TTC3: variants seen among roughly 807,000 people sequenced by gnomAD.
TTC3 encodes the protein E3 ubiquitin-protein ligase TTC3.
TTC3 carries 180 observed loss-of-function variants against 249.6 expected under a neutral mutation model. The observed-to-expected ratio is 0.72, with a 90% CI of 0.64 to 0.82. The LOEUF is 0.82. TTC3 is among the 40% of genes least tolerant of loss of function. TTC3 has a pLI of 0.00. For synonymous variants in TTC3, 717 were observed against 805.0 expected (o/e 0.89, Z 1.85); for missense variants, 2,061 against 2,398.4 (o/e 0.86, Z 2.94).
At position 37,123,101 on chromosome 21, in the gene TTC3, G is replaced by A; in HGVS notation, c.1109+73G>A. On this transcript the variant is annotated intron_variant, in intron 13 of 45. Coordinates refer to ENST00000355666, the Ensembl canonical transcript of TTC3. ...CTGCATGAATTTAAGAATCACTTAT[G>A]TTTGACGCTTTAGGAGCTAATAGCA... is the stretch of plus-strand genomic sequence containing the variant. The A allele has an allele frequency of 2.0e-6, 3 of 1,519,192 alleles. 1 individual carries two copies. Among genetic ancestry groups the A allele is most frequent in the Middle Eastern group, 3.5e-4 (2 of 5,676 alleles). The allele number at this position is 1,519,192 out of a possible 1,614,324, so 94.1% of individuals were successfully genotyped here.
intron 35 of TTC3, among the ~76,000 whole-genome samples, chr21:37,181,401 G>A (rs2082747353): frequency 6.6e-6 from 1 of 152,214 alleles, no homozygotes; most frequent in Admixed American, 6.5e-5. Context: ...GATTGGCTTG[G>A]CTGCCAGCAG....
intron 39 of TTC3, among the ~76,000 whole-genome samples, chr21:37,190,785 A>C (rs1194225151): frequency 6.6e-6 from 1 of 152,236 alleles, no homozygotes; most frequent in Non-Finnish European, 1.5e-5. Context: ...ATGAGGTCTT[A>C]CTATACCCAC....
intron 11 of TTC3, among the ~76,000 whole-genome samples, chr21:37,112,993 G>A (rs1375253302): frequency 2.6e-5 from 4 of 152,114 alleles, no homozygotes; most frequent in Middle Eastern, 3.4e-3. Context: ...ATTCAACAAC[G>A]CTTCATGCTA....
chr21:37,183,534 G>GT (rs2082944300), intron 36 of TTC3, among the ~76,000 whole-genome samples: 1 of 152,226 alleles, frequency 6.6e-6, no homozygotes, highest in East Asian at 1.9e-4. Context: ...AGCAGCCATT[G>GT]TATTTGCTCA....
intron 29 of TTC3, among the ~76,000 whole-genome samples, 191 bp downstream of exon 29, chr21:37,159,936 T>C (rs1009037791): frequency 6.6e-6 from 1 of 152,212 alleles, no homozygotes; most frequent in African/African-American, 2.4e-5. Flanking sequence ...ATTGGAGCAA[T>C]AATCAGCAAA....
intron 24 of TTC3, 122 bp from the exon 25 acceptor site, chr21:37,150,698 C>A: frequency 1.4e-6 from 1 of 702,886 alleles, no homozygotes; most frequent in Non-Finnish European, 2.5e-6. Context: ...GTCAGAACAT[C>A]ATCACTGTTC....
At chr21:37,124,179 G>T (rs565857413) in intron 13 of TTC3, among the ~76,000 whole-genome samples, 8 of 130,338 alleles carry the variant, frequency 6.1e-5, no homozygotes, top group Non-Finnish European at 1.2e-4. Context: ...GCAGTGGCAC[G>T]ATCTTGGGTC....
chr21:37,152,455 C>T lies in TTC3; in HGVS notation c.2413+426C>T, dbSNP rs554209842. Among the ~76,000 whole-genome samples the T allele has an allele frequency of 1.1e-3, 165 of 148,982 alleles. 1 individual carries two copies. Among genetic ancestry groups the T allele is most frequent in the African/African-American group, 3.6e-3 (146 of 40,482 alleles). ...AGGCTGGAGTGCAGTGGCGCGATCT[C>T]GGCTCACTGCAAGCTCCGCCTCCCG... On this transcript the variant is annotated intron_variant, in intron 26 of 45. Coordinates refer to ENST00000355666, the Ensembl canonical transcript of TTC3.
At position 37,197,561 on chromosome 21, in the gene TTC3, C is replaced by T. The variant is rs1240939652; in HGVS notation, c.5580-9C>T. 10 of 1,611,668 alleles carry T rather than the reference C, an allele frequency of 6.2e-6. No individual in the cohort carries two copies. Among genetic ancestry groups the T allele is most frequent in the Non-Finnish European group, 8.5e-6 (10 of 1,179,864 alleles). On this transcript the variant is annotated splice_polypyrimidine_tract_variant and intron_variant, in intron 42 of 45. Transcript: ENST00000355666. ...TCTGTTGTCATTCATCACTCACTCTCCCTTTCAGCACTGAGCTTGCTGGTT... is the reference window on the plus strand; with the variant it reads ...TCTGTTGTCATTCATCACTCACTCTTCCTTTCAGCACTGAGCTTGCTGGTT...
Position 37,194,964 on chromosome 21 carries a change from AG to A in TTC3, c.5218-709del, listed in dbSNP as rs1375126458. 2.0e-5 allele frequency: 3 copies of A among 152,340 alleles called. No homozygotes were observed. In the East Asian group the frequency reaches 5.8e-4, roughly 29 times the overall value. 9.4% of individuals were successfully genotyped at this position (152,340 alleles called of 1,614,324 possible). On this transcript the variant is annotated intron_variant, in intron 41 of 45. Coordinates refer to ENST00000355666, the Ensembl canonical transcript of TTC3. ...GAGAGGTGATTGGGGGTACATTTAC[AG>A]GTGCCATGCTGCTCAGGAGACCAGG...
chr21:37,080,092 C>T (rs189511249), intron 1 of TTC3, among the ~76,000 whole-genome samples: 5 of 151,972 alleles, frequency 3.3e-5, no homozygotes, highest in Admixed American at 2.0e-4. Context: ...ACTTAAATTA[C>T]ACACTTAATA....
At chr21:37,199,391 G>A (rs1217436006) in intron 44 of TTC3, among the ~76,000 whole-genome samples, 1 of 152,242 alleles carries the variant, frequency 6.6e-6, no homozygotes, top group Non-Finnish European at 1.5e-5. Flanking sequence ...GGTGCAGTAA[G>A]GGTAAGTGCT....
chr21:37,147,606 A>G lies in TTC3; in HGVS notation c.2016+3A>G, dbSNP rs746375954. 9.4e-6 allele frequency: 15 copies of G among 1,598,686 alleles called. No homozygotes were observed. The African/African-American group carries it at 1.9e-4, about 20-fold the overall frequency. Reference sequence around the variant, plus strand: ...ACATAACTGATCCAGACTTTAAGGTAAATAATGAGTGTACAGTGGGACATT... The same window carrying G: ...ACATAACTGATCCAGACTTTAAGGTGAATAATGAGTGTACAGTGGGACATT... On this transcript the variant is annotated splice_donor_region_variant and intron_variant, in intron 22 of 45. Coordinates refer to ENST00000355666, the Ensembl canonical transcript of TTC3.
intron 21 of TTC3, among the ~76,000 whole-genome samples, chr21:37,146,748 A>G (rs139231703): frequency 1.3e-5 from 2 of 152,320 alleles, no homozygotes; most frequent in Admixed American, 1.3e-4. Context: ...TTCTTTTTGA[A>G]AATGTTCTAA....
chr21:37,151,758 T>G, intron 25 of TTC3, 135 bp from the exon 26 acceptor site: 1 of 1,021,372 alleles, frequency 9.8e-7, no homozygotes, highest in Non-Finnish European at 1.4e-6. Context: ...GACAGTTTCT[T>G]ACATTGAATG....
chr21:37,079,517 G>GTTTTTTTTTTTTTTTTTTTTTTTTT (rs60361476), intron 1 of TTC3, among the ~76,000 whole-genome samples: 1 of 91,180 alleles, frequency 1.1e-5, no homozygotes, highest in Non-Finnish European at 2.0e-5. Flanking sequence ...TTATGGTATG[G>GTTTTTTTTTTTTTTTTTTTTTTTTT]TTTTTTTTTT....
At chr21:37,076,612 A>G (rs969719648) in intron 1 of TTC3, among the ~76,000 whole-genome samples, 16 of 151,942 alleles carry the variant, frequency 1.1e-4, no homozygotes, top group Admixed American at 6.6e-4. Flanking sequence ...ACTTTACATA[A>G]GACAGGCAAA....
chr21:37,177,882 A>G (rs1170879952), intron 35 of TTC3, among the ~76,000 whole-genome samples: 1 of 152,184 alleles, frequency 6.6e-6, no homozygotes, highest in Non-Finnish European at 1.5e-5. Flanking sequence ...AATGGTTTTG[A>G]TATATGCCCA....
intron 36 of TTC3, among the ~76,000 whole-genome samples, chr21:37,184,215 T>TA (rs2083018438): frequency 6.6e-6 from 1 of 152,206 alleles, no homozygotes; most frequent in African/African-American, 2.4e-5. Flanking sequence ...ATTTTGTTAC[T>TA]AAAAAGTGTG....
Sources: gnomAD v4.1 joint callset for allele counts (sites outside exome capture counted in the v4.1 genomes callset) on GRCh38, gnomAD v4.1.1 for gene constraint, MANE v1.5 for transcripts, NCBI Gene and HGNC (gene_info 2026-07-23, HGNC 2026-07-21) for gene names.